Variants in KRT8 observed in about 807,000 individuals in gnomAD.
The protein encoded by KRT8 is keratin, type II cytoskeletal 8.
A neutral mutation model predicts 43.0 loss-of-function variants in KRT8; 24 were observed. The ratio of observed to expected loss-of-function variants is 0.56; its 90% CI spans 0.40 to 0.78. The LOEUF is 0.78. Among genes scored for constraint, KRT8 ranks in the 30% least tolerant of loss-of-function variants. KRT8 has a pLI of 0.00. For synonymous variants in KRT8, 214 were observed against 261.2 expected, an observed-to-expected ratio of 0.82 and a Z score of 1.74; for missense variants, 492 against 638.4, an observed-to-expected ratio of 0.77 and a Z score of 2.47.
rs543088471 is a variant in KRT8, at chr12:52,929,687, G to A, written c.-47+19769C>T. On this transcript the variant is annotated intron_variant, in intron 2 of 6. Coordinates refer to the KRT8 transcript ENST00000546826. ...TCTAATGCACAATCAGAGATTGCTAGCATCTCCCATGCAGCTGAAGGGGCA... is the reference window on the plus strand; with the variant it reads ...TCTAATGCACAATCAGAGATTGCTAACATCTCCCATGCAGCTGAAGGGGCA... 3.9e-5 allele frequency among the ~76,000 whole-genome samples: 6 copies of A among 152,142 alleles called. No homozygotes were observed. In the South Asian group the frequency reaches 1.3e-3, roughly 32 times the overall value.
intron 2 of KRT8, among the ~76,000 whole-genome samples, chr12:52,923,545 G>A (rs1335500434): frequency 6.6e-6 from 1 of 151,816 alleles, no homozygotes; most frequent in African/African-American, 2.4e-5. Flanking sequence ...TCAGCCTCCC[G>A]AGTAGCTGGG....
chr12:52,921,724 CG>C (rs918833705), intron 2 of KRT8, among the ~76,000 whole-genome samples: 4 of 152,100 alleles, frequency 2.6e-5, no homozygotes, highest in Non-Finnish European at 5.9e-5. Flanking sequence ...CAGCTGTGGC[CG>C]GATCTCCCAG....
At chr12:52,910,370 C>T (rs1941610656), upstream of KRT8, among the ~76,000 whole-genome samples, 1 of 152,244 alleles carries the variant, frequency 6.6e-6, no homozygotes, top group East Asian at 1.9e-4. Flanking sequence ...ACACTTTCTT[C>T]CTCTTCCCAG....
chr12:52,922,101 G>C (rs375631415), intron 2 of KRT8, among the ~76,000 whole-genome samples: 1 of 143,148 alleles, frequency 7.0e-6, no homozygotes, highest in East Asian at 2.1e-4. Context: ...GATAACTGGA[G>C]CCCAAGAGTT....
intron 2 of KRT8, among the ~76,000 whole-genome samples, chr12:52,940,040 T>G (rs1180089120): frequency 1.3e-5 from 2 of 152,142 alleles, no homozygotes; most frequent in Non-Finnish European, 2.9e-5. Context: ...CAATGGAATA[T>G]TATGCTGCCA....
intron 7 of KRT8, among the ~76,000 whole-genome samples, 172 bp from the exon 8 acceptor site, chr12:52,897,790 G>A (rs1264333701): frequency 2.0e-5 from 3 of 152,030 alleles, no homozygotes; most frequent in African/African-American, 2.4e-5. Flanking sequence ...GGAAAACCAG[G>A]AGCAGGGTGG....
intron 2 of KRT8, among the ~76,000 whole-genome samples, chr12:52,918,096 AGAG>A (rs796210996): frequency 0.011 from 1,524 of 138,374 alleles, 111 homozygotes; most frequent in African/African-American, 0.039. Context: ...GAGAAGAAGA[AGAG>A]GAAGAAGAAG....
intron 2 of KRT8, among the ~76,000 whole-genome samples, chr12:52,932,532 A>G (rs546680755): frequency 2.6e-5 from 4 of 152,240 alleles, no homozygotes; most frequent in Admixed American, 6.5e-5. Context: ...TTTATTCAAC[A>G]TTGTACTGAA....
At chr12:52,920,643 C>T (rs1263409534) in intron 2 of KRT8, among the ~76,000 whole-genome samples, 1 of 152,208 alleles carries the variant, frequency 6.6e-6, no homozygotes, top group Non-Finnish European at 1.5e-5. Context: ...GAGACCTTGA[C>T]TATGTTGTTG....
chr12:52,923,787 T>G (rs1464095638), intron 2 of KRT8, among the ~76,000 whole-genome samples: 3 of 152,134 alleles, frequency 2.0e-5, no homozygotes, highest in Admixed American at 6.5e-5. Context: ...TACATTTAAA[T>G]TAATATGGAT....
intron 2 of KRT8, chr12:52,949,273 A>G: frequency 6.2e-7 from 1 of 1,611,052 alleles, no homozygotes; most frequent in Non-Finnish European, 8.5e-7. Flanking sequence ...CAGCGCGGCC[A>G]GCGTCTATGC....
chr12:52,918,917 C>T (rs1439709678), intron 2 of KRT8, among the ~76,000 whole-genome samples: 1 of 152,034 alleles, frequency 6.6e-6, no homozygotes, highest in African/African-American at 2.4e-5. Flanking sequence ...ATGAAATAAC[C>T]TCCTTGCAGA....
intron 2 of KRT8, among the ~76,000 whole-genome samples, chr12:52,926,142 C>T (rs1941985290): frequency 6.7e-6 from 1 of 150,356 alleles, no homozygotes; most frequent in African/African-American, 2.5e-5. Flanking sequence ...TGGTGTGTCC[C>T]TGCCCCCCGC....
At chr12:52,923,538 G>A (rs1449800918) in intron 2 of KRT8, among the ~76,000 whole-genome samples, 3 of 152,126 alleles carry the variant, frequency 2.0e-5, no homozygotes, top group Non-Finnish European at 4.4e-5. Flanking sequence ...TCCTGCCTCA[G>A]CCTCCCGAGT....
At chr12:52,916,051 C>T (rs549151447) in intron 2 of KRT8, among the ~76,000 whole-genome samples, 1 of 152,216 alleles carries the variant, frequency 6.6e-6, no homozygotes, top group East Asian at 1.9e-4. Flanking sequence ...ATGTGATAAG[C>T]CACTGGACAG....
exon 8 of KRT8, chr12:52,897,283 GGTA>G (rs1941230574): frequency 1.3e-6 from 1 of 790,410 alleles, no homozygotes; most frequent in South Asian, 1.4e-5. Flanking sequence ...GGGGTCCCCA[GGTA>G]GTAAACTCCC....
chr12:52,929,681 T>C (rs1942053653), intron 2 of KRT8, among the ~76,000 whole-genome samples: 1 of 152,140 alleles, frequency 6.6e-6, no homozygotes. Flanking sequence ...CAATCAGAGA[T>C]TGCTAGCATC....
At chr12:52,900,826 C>T (rs1941351062) in intron 3 of KRT8, 143 bp from the exon 4 acceptor site, 3 of 687,990 alleles carry the variant, frequency 4.4e-6, no homozygotes, top group Non-Finnish European at 7.9e-6. Context: ...CAGCCTCTGC[C>T]CATCACATGT....
intron 2 of KRT8, among the ~76,000 whole-genome samples, chr12:52,945,130 C>A (rs2120744100): frequency 6.6e-6 from 1 of 152,294 alleles, no homozygotes; most frequent in South Asian, 2.1e-4. Flanking sequence ...CCCATTCCAC[C>A]CCAGATTCCT....
Sources: gnomAD v4.1 joint callset for allele counts (sites outside exome capture counted in the v4.1 genomes callset) on GRCh38, gnomAD v4.1.1 for gene constraint, MANE v1.5 for transcripts, NCBI Gene and HGNC (gene_info 2026-07-23, HGNC 2026-07-21) for gene names.